The following DCC variants were observed in gnomAD, a reference collection of about 807,000 sequenced individuals.
DCC encodes the protein DCC netrin 1 receptor.
DCC carries 58 observed loss-of-function variants against 172.5 expected under a neutral mutation model. The ratio of observed to expected loss-of-function variants is 0.34; its 90% CI spans 0.27 to 0.42. DCC has a LOEUF of 0.42. Ranked by LOEUF, DCC falls within the 10% of genes least tolerant of loss-of-function variation. The pLI is 1.00. For synonymous variants in DCC, 709 were observed against 644.5 expected (o/e 1.10, Z -1.52); for missense variants, 1,740 against 1,791.0 (o/e 0.97, Z 0.51).
Position 53,357,201 on chromosome 18 carries a change from A to G in DCC, c.2359+17294A>G, listed in dbSNP as rs57904407. On this transcript the variant is annotated intron_variant, in intron 15 of 28. Coordinates refer to ENST00000442544, the MANE Select transcript of DCC (RefSeq NM_005215.4). Reference sequence around the variant, plus strand: ...AAAAATGCCAAACTGCATTATATCTATTTCCTGATTTCTGCCACAAATCTC... The same window carrying G: ...AAAAATGCCAAACTGCATTATATCTGTTTCCTGATTTCTGCCACAAATCTC... Among the ~76,000 whole-genome samples, 892 of 152,216 alleles carry G rather than the reference A, an allele frequency of 5.9e-3. 9 individuals carry two copies. Among genetic ancestry groups the G allele is most frequent in the African/African-American group, 0.02 (844 of 41,532 alleles).
intron 12 of DCC, among the ~76,000 whole-genome samples, chr18:53,263,555 A>G (rs1453886528): frequency 1.3e-5 from 2 of 152,176 alleles, no homozygotes; most frequent in Non-Finnish European, 2.9e-5. Context: ...TTATGAACAG[A>G]AGTAGTTATT....
At chr18:53,313,391 G>A (rs886675371) in intron 13 of DCC, among the ~76,000 whole-genome samples, 3 of 151,930 alleles carry the variant, frequency 2.0e-5, no homozygotes, top group African/African-American at 7.3e-5. Flanking sequence ...GATTACAGAC[G>A]TGCGTCACCA....
At chr18:52,439,342 A>G (rs73955633) in intron 1 of DCC, among the ~76,000 whole-genome samples, 3,559 of 152,200 alleles carry the variant, frequency 0.023, 130 homozygotes, top group African/African-American at 0.081. Context: ...CCCACACTGC[A>G]GGAACACATT....
chr18:52,744,415 C>CT (rs1162371733), intron 1 of DCC, among the ~76,000 whole-genome samples: 2 of 151,954 alleles, frequency 1.3e-5, no homozygotes, highest in Non-Finnish European at 2.9e-5. Flanking sequence ...CCTGATCAGC[C>CT]TTTTTTTACA....
chr18:52,618,774 T>A (rs975909554), intron 1 of DCC, among the ~76,000 whole-genome samples: 3 of 152,214 alleles, frequency 2.0e-5, no homozygotes, highest in Non-Finnish European at 4.4e-5. Context: ...TTACCTTCTT[T>A]TCAGAAGCGC....
intron 7 of DCC, among the ~76,000 whole-genome samples, chr18:53,150,623 G>A (rs1346269918): frequency 6.6e-6 from 1 of 152,186 alleles, no homozygotes; most frequent in Non-Finnish European, 1.5e-5. Context: ...CCAGGTAGAG[G>A]GGCCTAAGCC....
intron 1 of DCC, among the ~76,000 whole-genome samples, chr18:52,424,705 T>C (rs924057020): frequency 3.3e-5 from 5 of 152,072 alleles, no homozygotes; most frequent in African/African-American, 4.8e-5. Flanking sequence ...AAAGCCCTTA[T>C]TGAGTTACCT....
At chr18:53,000,673 C>A (rs1018586941) in intron 5 of DCC, among the ~76,000 whole-genome samples, 1 of 146,604 alleles carries the variant, frequency 6.8e-6, no homozygotes, top group East Asian at 2.0e-4. Flanking sequence ...CCAGTCAGAG[C>A]CAGTAATGTG....
At chr18:53,280,630 C>G (rs182786398) in intron 12 of DCC, among the ~76,000 whole-genome samples, 1 of 152,112 alleles carries the variant, frequency 6.6e-6, no homozygotes, top group East Asian at 1.9e-4. Flanking sequence ...TAGATTTTCT[C>G]TGGTATGAAA....
At chr18:52,423,040 A>G (rs1207472777) in intron 1 of DCC, among the ~76,000 whole-genome samples, 1 of 152,194 alleles carries the variant, frequency 6.6e-6, no homozygotes, top group African/African-American at 2.4e-5. Context: ...TTGAAAGTTC[A>G]TCTTAATCCT....
intron 2 of DCC, among the ~76,000 whole-genome samples, chr18:52,868,876 A>G (rs1275810128): frequency 6.6e-6 from 1 of 152,208 alleles, no homozygotes; most frequent in Non-Finnish European, 1.5e-5. Flanking sequence ...GCCATGGGGC[A>G]GGAAGCTCCA....
At chr18:53,083,572 A>T (rs2042835919) in intron 7 of DCC, among the ~76,000 whole-genome samples, 1 of 152,208 alleles carries the variant, frequency 6.6e-6, no homozygotes. Context: ...CTGCAACATT[A>T]CTTGCACATT....
chr18:52,580,165 T>G (rs2033510773), intron 1 of DCC, among the ~76,000 whole-genome samples: 1 of 152,210 alleles, frequency 6.6e-6, no homozygotes, highest in African/African-American at 2.4e-5. Context: ...TGGTCTAAAC[T>G]TATCACAATA....
chr18:52,597,227 G>A (rs578073722), intron 1 of DCC, among the ~76,000 whole-genome samples: 1 of 152,296 alleles, frequency 6.6e-6, no homozygotes, highest in East Asian at 1.9e-4. Context: ...CTGTTAACGA[G>A]GTTGCTTTGC....
intron 1 of DCC, among the ~76,000 whole-genome samples, chr18:52,717,118 A>C (rs771525332): frequency 1.3e-5 from 2 of 152,206 alleles, no homozygotes; most frequent in African/African-American, 2.4e-5. Context: ...TGGGAACAGA[A>C]GTCCACTGAG....
intron 23 of DCC, among the ~76,000 whole-genome samples, chr18:53,455,373 C>G (rs1341266952): frequency 5.9e-5 from 9 of 152,118 alleles, no homozygotes; most frequent in African/African-American, 2.2e-4. Flanking sequence ...TTTAGAACTT[C>G]AATGGACACA....
chr18:53,227,369 A>G (rs1017480193), intron 12 of DCC, among the ~76,000 whole-genome samples: 1 of 152,166 alleles, frequency 6.6e-6, no homozygotes, highest in African/African-American at 2.4e-5. Context: ...ATCTTAATAT[A>G]TGTACTCAAT....
chr18:52,598,946 T>G (rs940533356), intron 1 of DCC, among the ~76,000 whole-genome samples: 6 of 152,128 alleles, frequency 3.9e-5, no homozygotes, highest in African/African-American at 1.4e-4. Context: ...ACTTCCTCTA[T>G]CAAGCTCTTT....
At chr18:52,763,770 A>T (rs2037199347) in intron 2 of DCC, among the ~76,000 whole-genome samples, 1 of 152,174 alleles carries the variant, frequency 6.6e-6, no homozygotes, top group Non-Finnish European at 1.5e-5. Context: ...CTGCTCTGGA[A>T]AACACTTATC....
Sources: gnomAD v4.1 joint callset for allele counts (sites outside exome capture counted in the v4.1 genomes callset) on GRCh38, gnomAD v4.1.1 for gene constraint, MANE v1.5 for transcripts, NCBI Gene and HGNC (gene_info 2026-07-23, HGNC 2026-07-21) for gene names.